ADORA2B: variants seen among roughly 807,000 people sequenced by gnomAD.
The protein encoded by ADORA2B is adenosine A2b receptor.
A neutral mutation model predicts 20.8 loss-of-function variants in ADORA2B; 18 were observed. The observed-to-expected ratio is 0.87, with a 90% CI of 0.60 to 1.29. The LOEUF (loss-of-function observed/expected upper bound fraction) is 1.29. Among genes scored for constraint, ADORA2B ranks in the 50% most tolerant of loss-of-function variants. The pLI, the probability that ADORA2B is intolerant of heterozygous loss-of-function variation, is 0.00. For missense variants in ADORA2B, 441 were observed against 422.7 expected (o/e 1.04, Z -0.38); for synonymous variants, 179 against 178.3 (o/e 1.00, Z -0.03).
chr17:15,908,667 C>A, the ADORA2B span: 1 of 160,654 alleles, frequency 6.2e-6, no homozygotes, highest in South Asian at 1.7e-4. Context: ...CACTGCCACC[C>A]ACTGCAATTT....
At chr17:15,875,483 C>G in the ADORA2B span, among the ~76,000 whole-genome samples, 1 of 152,238 alleles carries the variant, frequency 6.6e-6, no homozygotes, top group African/African-American at 2.4e-5. Flanking sequence ...GAGTGTCATT[C>G]ATAGATTAGC....
intron 1 of ADORA2B, among the ~76,000 whole-genome samples, chr17:15,959,929 T>G (rs1188397566): frequency 6.6e-6 from 1 of 152,238 alleles, no homozygotes; most frequent in Non-Finnish European, 1.5e-5. Flanking sequence ...GCATTTAATA[T>G]GTTCCTTTAA....
At chr17:15,946,550 C>G (rs906215554) in intron 1 of ADORA2B, among the ~76,000 whole-genome samples, 1 of 152,200 alleles carries the variant, frequency 6.6e-6, no homozygotes, top group African/African-American at 2.4e-5. Context: ...GGAGCTGAGA[C>G]AGGGAAACTA....
the ADORA2B span, among the ~76,000 whole-genome samples, chr17:15,868,325 C>T: frequency 3.0e-5 from 4 of 135,262 alleles, 1 homozygote; most frequent in East Asian, 4.2e-4. Flanking sequence ...GTCCTGTGAC[C>T]CTGCCAAATC....
the ADORA2B span, among the ~76,000 whole-genome samples, chr17:15,937,804 C>T: frequency 2.0e-5 from 3 of 152,150 alleles, no homozygotes; most frequent in Admixed American, 2.0e-4. Context: ...AACTCCTGAT[C>T]TCAGGTGATC....
At chr17:15,961,489 A>G (rs1055414745) in intron 1 of ADORA2B, among the ~76,000 whole-genome samples, 6 of 152,192 alleles carry the variant, frequency 3.9e-5, no homozygotes, top group East Asian at 1.9e-4. Flanking sequence ...ATCTGATCAC[A>G]TGGTAAAGGT....
At chr17:15,974,039 GA>G (rs1970217976) in intron 1 of ADORA2B, 1 of 144,588 alleles carries the variant, frequency 6.9e-6, no homozygotes, top group Non-Finnish European at 1.5e-5. Context: ...TTTATGGACA[GA>G]AAAAAGAAAG....
the ADORA2B span, among the ~76,000 whole-genome samples, chr17:15,873,325 C>G: frequency 1.3e-5 from 2 of 152,164 alleles, no homozygotes; most frequent in African/African-American, 4.8e-5. Context: ...TTCTAGACTT[C>G]AGCCTAGGCG....
the ADORA2B span, among the ~76,000 whole-genome samples, chr17:15,877,770 C>T: frequency 1.8e-4 from 27 of 152,198 alleles, no homozygotes; most frequent in East Asian, 1.5e-3. Context: ...ACCCAGTCCT[C>T]CTGTTTTTAA....
intron 1 of ADORA2B, chr17:15,973,935 A>C (rs1004009520): frequency 5.3e-5 from 8 of 152,252 alleles, no homozygotes; most frequent in African/African-American, 1.9e-4. Flanking sequence ...AATTTAAAAG[A>C]GCTTAATTGA....
the ADORA2B span, among the ~76,000 whole-genome samples, chr17:15,854,078 C>T: frequency 1.1e-4 from 17 of 152,226 alleles, no homozygotes; most frequent in African/African-American, 4.1e-4. Flanking sequence ...GCCTCAGCCT[C>T]CCAAGTAGCT....
At chr17:15,937,825 G>A in the ADORA2B span, among the ~76,000 whole-genome samples, 5 of 152,080 alleles carry the variant, frequency 3.3e-5, no homozygotes, top group East Asian at 7.7e-4. Context: ...CACTCACCTC[G>A]GGCTCCCAAA....
At chr17:15,948,932 G>T (rs1245959008) in intron 1 of ADORA2B, among the ~76,000 whole-genome samples, 1 of 152,190 alleles carries the variant, frequency 6.6e-6, no homozygotes, top group East Asian at 1.9e-4. Flanking sequence ...ATAGGGCCGG[G>T]CACGGTGGCT....
chr17:15,961,392 A>G (rs1597427166), intron 1 of ADORA2B, among the ~76,000 whole-genome samples: 1 of 152,260 alleles, frequency 6.6e-6, no homozygotes, highest in East Asian at 1.9e-4. Context: ...TTTGGTGGCA[A>G]TACTGTCTAC....
the ADORA2B span, among the ~76,000 whole-genome samples, chr17:15,932,476 G>A: frequency 0.043 from 6,280 of 145,192 alleles, 488 homozygotes; most frequent in African/African-American, 0.15. Context: ...CTGGGCGACA[G>A]AGCAAGACTC....
At chr17:15,968,634 A>C (rs898217593) in intron 1 of ADORA2B, among the ~76,000 whole-genome samples, 1 of 152,194 alleles carries the variant, frequency 6.6e-6, no homozygotes, top group African/African-American at 2.4e-5. Flanking sequence ...GTAGATTCCT[A>C]TGCAGGAAAA....
At chr17:15,892,945 C>T in the ADORA2B span, among the ~76,000 whole-genome samples, 1 of 152,184 alleles carries the variant, frequency 6.6e-6, no homozygotes, top group Admixed American at 6.5e-5. Context: ...ATGTCGTGGG[C>T]TGTGCGGTTT....
At chr17:15,873,350 A>G in the ADORA2B span, among the ~76,000 whole-genome samples, 5 of 152,204 alleles carry the variant, frequency 3.3e-5, no homozygotes, top group Non-Finnish European at 7.3e-5. Context: ...ATCCATGACT[A>G]AGACCCCAAA....
chr17:15,938,655 G>A, the ADORA2B span, among the ~76,000 whole-genome samples: 13 of 152,170 alleles, frequency 8.5e-5, no homozygotes, highest in Non-Finnish European at 1.8e-4. Flanking sequence ...TGGCGTTTTG[G>A]TGGGACAGTT....
Sources: allele counts gnomAD v4.1 joint callset (sites outside exome capture counted in the v4.1 genomes callset), GRCh38; gene constraint gnomAD v4.1.1; transcripts MANE v1.5; gene names NCBI Gene and HGNC (gene_info 2026-07-23, HGNC 2026-07-21).